Variants in GADL1 observed in about 807,000 individuals in gnomAD.
GADL1 encodes the protein acidic amino acid decarboxylase GADL1.
Under a neutral mutation model 69.5 loss-of-function variants are expected in GADL1, and 71 were observed. The ratio of observed to expected loss-of-function variants is 1.02; its 90% CI spans 0.84 to 1.25. GADL1 has a LOEUF of 1.25. Among genes scored for constraint, GADL1 ranks in the 50% most tolerant of loss-of-function variants. The pLI, the probability that GADL1 is intolerant of heterozygous loss-of-function variation, is 0.00. For missense variants in GADL1, 737 were observed against 631.8 expected, an observed-to-expected ratio of 1.17 and a Z score of -1.79; for synonymous variants, 254 against 214.4, an observed-to-expected ratio of 1.18 and a Z score of -1.62.
At chr3:30,785,597 C>T (rs1431074997) in intron 13 of GADL1, among the ~76,000 whole-genome samples, 2 of 152,060 alleles carry the variant, frequency 1.3e-5, no homozygotes, top group Non-Finnish European at 2.9e-5. Flanking sequence ...AGGCTGGTCT[C>T]GAACTCCTCA....
At chr3:30,830,327 T>C (rs1027403428) in intron 11 of GADL1, among the ~76,000 whole-genome samples, 1 of 151,940 alleles carries the variant, frequency 6.6e-6, no homozygotes, top group Non-Finnish European at 1.5e-5. Context: ...GGCCTTTGGA[T>C]CTTCATCTCT....
chr3:30,791,023 C>T (rs1168810182), intron 12 of GADL1, among the ~76,000 whole-genome samples: 1 of 151,466 alleles, frequency 6.6e-6, no homozygotes, highest in Non-Finnish European at 1.5e-5. Context: ...TCTCTATCCA[C>T]ATGTATATAC....
At chr3:30,781,064 G>T (rs1696654609) in intron 13 of GADL1, among the ~76,000 whole-genome samples, 1 of 152,086 alleles carries the variant, frequency 6.6e-6, no homozygotes, top group Non-Finnish European at 1.5e-5. Flanking sequence ...GGTGTCCTGA[G>T]AACACATTTA....
chr3:30,740,062 A>G (rs902263793), intron 14 of GADL1, among the ~76,000 whole-genome samples: 7 of 152,156 alleles, frequency 4.6e-5, no homozygotes, highest in African/African-American at 1.7e-4. Context: ...TGATGTTTCT[A>G]TTGTGTCCAG....
chr3:30,753,813 A>G (rs1239253784), intron 14 of GADL1, among the ~76,000 whole-genome samples: 1 of 152,238 alleles, frequency 6.6e-6, no homozygotes, highest in African/African-American at 2.4e-5. Context: ...AAATTGCAAG[A>G]AAACAGGCTA....
intron 12 of GADL1, among the ~76,000 whole-genome samples, chr3:30,787,762 T>A (rs1475438327): frequency 1.3e-5 from 2 of 151,854 alleles, no homozygotes; most frequent in Non-Finnish European, 2.9e-5. Flanking sequence ...ACTAATACAA[T>A]CTTCTTCAAT....
rs771478026 is a variant in GADL1, at chr3:30,844,453, A to C, written c.665T>G (p.Met222Arg). The C allele has an allele frequency of 6.8e-5, 109 of 1,610,624 alleles. 2 individuals are homozygous for C. The South Asian group carries it at 1.2e-3, about 18-fold the overall frequency. Residue 222 changes from methionine to arginine, a missense_variant, in exon 7 of 15, where the codon ATG becomes AGG. Coordinates refer to ENST00000282538, the MANE Select transcript of GADL1 (RefSeq NM_207359.3). The part of the protein sequence containing the change: ...LFTSAECHYS[M>R]KKAASFLGIG... ...CCCAAGAAAAGAGGCTGCCTTCTTCATAGAGTAATGACACTGAATTCAAAG... is the reference window on the plus strand; with the variant it reads ...CCCAAGAAAAGAGGCTGCCTTCTTCCTAGAGTAATGACACTGAATTCAAAG...
intron 14 of GADL1, among the ~76,000 whole-genome samples, chr3:30,749,692 T>C (rs1178742598): frequency 1.3e-5 from 2 of 152,200 alleles, no homozygotes; most frequent in East Asian, 3.8e-4. Flanking sequence ...ACATTTTCAA[T>C]CTGCTAGGCA....
At chr3:30,884,657 TAAAAGTC>T (rs533443087) in intron 1 of GADL1, among the ~76,000 whole-genome samples, 7 of 152,194 alleles carry the variant, frequency 4.6e-5, no homozygotes, top group Admixed American at 2.0e-4. Context: ...TTACGAGTGA[TAAAAGTC>T]AAAGGTGTCC....
At chr3:30,861,260 G>C (rs1471487942) in intron 2 of GADL1, among the ~76,000 whole-genome samples, 5 of 151,416 alleles carry the variant, frequency 3.3e-5, no homozygotes, top group Non-Finnish European at 7.4e-5. Context: ...TTAGAGAGTT[G>C]CGTAAGTGAG....
Position 30,857,082 on chromosome 3 carries a change from GTCTC to G in GADL1, c.266_269del (p.Arg89ThrfsTer46). On this transcript the variant is annotated frameshift_variant, in exon 3 of 15. Coordinates refer to ENST00000282538, the MANE Select transcript of GADL1 (RefSeq NM_207359.3). LOFTEE classifies it high-confidence loss of function. ...ATAGTTTATGGGGTGGCTCGCCTGA[GTCTC>G]TCATCTCCAAATCAAGAAGCTGTTT... The G allele has an allele frequency of 6.5e-6, 10 of 1,549,772 alleles. No homozygotes were observed. Among genetic ancestry groups the G allele is most frequent in the African/African-American group, 1.4e-5 (1 of 73,036 alleles).
At chr3:30,757,811 C>T (rs1205621531) in intron 14 of GADL1, among the ~76,000 whole-genome samples, 3 of 152,124 alleles carry the variant, frequency 2.0e-5, no homozygotes, top group Non-Finnish European at 2.9e-5. Flanking sequence ...CCAAGACTTC[C>T]CTCTTCTCTT....
intron 14 of GADL1, among the ~76,000 whole-genome samples, chr3:30,751,766 G>A (rs548774486): frequency 1.3e-5 from 2 of 151,970 alleles, no homozygotes; most frequent in South Asian, 4.2e-4. Context: ...GGTGCCCCCC[G>A]ATGGTCTCGC....
chr3:30,776,100 T>G (rs1696530752), intron 14 of GADL1, among the ~76,000 whole-genome samples: 1 of 152,046 alleles, frequency 6.6e-6, no homozygotes, highest in Admixed American at 6.6e-5. Flanking sequence ...AAAAAATGCA[T>G]TATATTCTGT....
intron 1 of GADL1, among the ~76,000 whole-genome samples, chr3:30,874,857 T>A (rs930250442): frequency 6.6e-5 from 10 of 151,876 alleles, no homozygotes; most frequent in African/African-American, 1.7e-4. Context: ...CAGCTGTCTA[T>A]AGTTGTACCA....
chr3:30,856,464 G>T (rs145069573), intron 3 of GADL1, among the ~76,000 whole-genome samples: 68 of 152,080 alleles, frequency 4.5e-4, no homozygotes, highest in African/African-American at 1.5e-3. Context: ...AACTTGGAAT[G>T]TATTCATTTG....
chr3:30,809,444 A>T (rs933078321), intron 11 of GADL1, among the ~76,000 whole-genome samples: 1 of 152,214 alleles, frequency 6.6e-6, no homozygotes, highest in Non-Finnish European at 1.5e-5. Flanking sequence ...AGGCAGACAC[A>T]TTGTGCTCCA....
At chr3:30,783,615 G>A (rs532105576) in intron 13 of GADL1, among the ~76,000 whole-genome samples, 1 of 150,488 alleles carries the variant, frequency 6.6e-6, no homozygotes, top group South Asian at 2.1e-4. Flanking sequence ...GTGACATTCA[G>A]GGTCTAATTC....
chr3:30,754,800 G>GT (rs1197212268), intron 14 of GADL1, among the ~76,000 whole-genome samples: 8 of 152,116 alleles, frequency 5.3e-5, no homozygotes, highest in Non-Finnish European at 1.5e-5. Flanking sequence ...TACCCAGCAT[G>GT]TTTTTCTAAA....
Sources: allele counts gnomAD v4.1 joint callset (sites outside exome capture counted in the v4.1 genomes callset), GRCh38; gene constraint gnomAD v4.1.1; transcripts MANE v1.5; gene names NCBI Gene and HGNC (gene_info 2026-07-23, HGNC 2026-07-21).